KMT2C: variants seen among roughly 807,000 people sequenced by gnomAD.
KMT2C encodes the protein histone-lysine N-methyltransferase 2C.
In KMT2C, 88 loss-of-function variants were observed where a neutral mutation model predicts 507.9. The ratio of observed to expected loss-of-function variants is 0.17; its 90% CI spans 0.15 to 0.21. The LOEUF is 0.21. Ranked by LOEUF, KMT2C falls within the 10% of genes least tolerant of loss-of-function variation. KMT2C has a pLI of 1.00. For missense variants in KMT2C, 4,954 were observed against 5,957.8 expected (o/e 0.83, Z 5.55); for synonymous variants, 2,049 against 2,080.8 (o/e 0.98, Z 0.42).
At chr7:152,345,249 T>A (rs1380100175) in intron 2 of KMT2C, among the ~76,000 whole-genome samples, 1 of 148,602 alleles carries the variant, frequency 6.7e-6, no homozygotes, top group African/African-American at 2.5e-5. Context: ...AAAAAAACTA[T>A]TTTTTTTTTA....
chr7:152,345,106 T>C (rs1164619501), intron 2 of KMT2C, among the ~76,000 whole-genome samples: 1 of 151,972 alleles, frequency 6.6e-6, no homozygotes, highest in Non-Finnish European at 1.5e-5. Flanking sequence ...ATATGGTAGA[T>C]ATCCATTCCA....
chr7:152,296,997 A>AAAAGAAGGAAAGAAAG (rs2096506098), intron 6 of KMT2C, among the ~76,000 whole-genome samples: 1 of 58,948 alleles, frequency 1.7e-5, no homozygotes, highest in Non-Finnish European at 3.7e-5. Flanking sequence ...GAAAGAAAGA[A>AAAAGAAGGAAAGAAAG]AAAGAAAGAA....
chr7:152,413,913 A>G (rs551037017), intron 1 of KMT2C, among the ~76,000 whole-genome samples: 3 of 149,446 alleles, frequency 2.0e-5, no homozygotes, highest in South Asian at 2.1e-4. Context: ...TACAAAAGTC[A>G]TTTAGAAAAT....
chr7:152,185,372 T>C (rs1366437788), intron 34 of KMT2C, among the ~76,000 whole-genome samples, 186 bp downstream of exon 34: 1 of 152,356 alleles, frequency 6.6e-6, no homozygotes, highest in Middle Eastern at 3.4e-3. Flanking sequence ...AACTTGCTTA[T>C]AAAAATGTCA....
chr7:152,174,230 A>C lies in KMT2C; in HGVS notation c.9275T>G (p.Ile3092Ser). 1 of 1,553,714 alleles carries C rather than the reference A, an allele frequency of 6.4e-7. No homozygotes were observed. The highest frequency in any genetic ancestry group is 8.8e-7 in the Non-Finnish European group (1 of 1,130,940). ...PFFPNIDFDA[I>S]TDPIMKAKMV... ...TTTGGCTTTCATTATAGGATCTGTAATTGCATCAAAATCTAGAAAAGAAAT... is the reference window on the plus strand; with the variant it reads ...TTTGGCTTTCATTATAGGATCTGTACTTGCATCAAAATCTAGAAAAGAAAT... Residue 3092 changes from isoleucine to serine, a missense_variant, in exon 39 of 59, where the codon ATT becomes AGT. Coordinates refer to ENST00000262189, the MANE Select transcript of KMT2C (RefSeq NM_170606.3).
intron 6 of KMT2C, among the ~76,000 whole-genome samples, chr7:152,303,424 A>G (rs2096588874): frequency 6.6e-6 from 1 of 152,092 alleles, no homozygotes; most frequent in African/African-American, 2.4e-5. Flanking sequence ...AGTAGGACCT[A>G]CCTCCTCATT....
intron 9 of KMT2C, among the ~76,000 whole-genome samples, chr7:152,257,136 C>A (rs2095673745): frequency 6.6e-6 from 1 of 152,050 alleles, no homozygotes; most frequent in Non-Finnish European, 1.5e-5. Flanking sequence ...GTTGAGTAAC[C>A]CATAGCACAG....
intron 6 of KMT2C, among the ~76,000 whole-genome samples, chr7:152,275,248 G>C (rs1563683885): frequency 6.6e-6 from 1 of 152,100 alleles, no homozygotes; most frequent in African/African-American, 2.4e-5. Context: ...AGAAAAGAAA[G>C]AGATACAAAA....
intron 6 of KMT2C, among the ~76,000 whole-genome samples, chr7:152,297,055 C>CAGACAGACAGACAGAGAGAGAGAGAGAG (rs1315629061): frequency 1.2e-5 from 1 of 84,406 alleles, no homozygotes; most frequent in Non-Finnish European, 2.3e-5. Context: ...GAAAGAAAGA[C>CAGACAGACAGACAGAGAGAGAGAGAGAG]AGAGAGAGAG....
intron 9 of KMT2C, 90 bp downstream of exon 9, chr7:152,262,926 G>A: frequency 1.2e-6 from 1 of 850,534 alleles, no homozygotes; most frequent in Non-Finnish European, 1.8e-6. Context: ...TGATGGTGAT[G>A]ATGTACAGAT....
intron 44 of KMT2C, chr7:152,157,862 A>T: frequency 7.5e-7 from 1 of 1,339,620 alleles, no homozygotes; most frequent in Non-Finnish European, 9.9e-7. Flanking sequence ...CCACTGCCAT[A>T]AGGAAGAAAG....
chr7:152,340,802 T>G (rs976175541), intron 2 of KMT2C, among the ~76,000 whole-genome samples: 20 of 152,212 alleles, frequency 1.3e-4, no homozygotes, highest in Non-Finnish European at 1.3e-4. Context: ...TTAATGCAAA[T>G]TCAAAAAGCT....
At chr7:152,145,038 G>C (rs1429907928) in intron 54 of KMT2C, 115 bp downstream of exon 54, 1 of 1,396,186 alleles carries the variant, frequency 7.2e-7, no homozygotes, top group East Asian at 2.3e-5. Flanking sequence ...TTATGTAGTT[G>C]GGCACATACA....
intron 28 of KMT2C, 108 bp from the exon 29 acceptor site, chr7:152,194,676 GAAAT>G: frequency 2.7e-6 from 2 of 739,944 alleles, no homozygotes; most frequent in Non-Finnish European, 2.1e-6. Flanking sequence ...TTAAAATAGA[GAAAT>G]AAAGTCTGTA....
In KMT2C at chr7:152,179,870, T is replaced by C. The variant is rs2129117947; in HGVS notation, c.7406A>G (p.Asp2469Gly). The C allele has an allele frequency of 6.2e-7, 1 of 1,613,998 alleles. No homozygotes were observed. The highest frequency in any genetic ancestry group is 1.1e-5 in the South Asian group (1 of 91,068). The stretch of plus-strand genomic sequence containing the variant: ...AGGTCTCATCCCCATACTAGCAACA[T>C]CAGGAGGATAGGGTCCACGCTGATC... ...PKDQRGPYPPDVASMGMRPHG... is the reference protein window; with the variant it reads ...PKDQRGPYPPGVASMGMRPHG... Residue 2469 changes from aspartate (D) to glycine (G), a missense_variant, in exon 37 of 59, where the codon GAT (aspartate) becomes GGT (glycine). Physicochemically the swap from Asp to Gly is moderately conservative, Grantham distance 94. Transcript: ENST00000262189.
chr7:152,176,208 G>A lies in KMT2C; in HGVS notation c.9245C>T (p.Pro3082Leu), dbSNP rs61730545. 2.0e-3 allele frequency: 3,166 copies of A among 1,605,798 alleles called. 71 individuals carry two copies. In the South Asian group the frequency reaches 0.026, roughly 13 times the overall value. The change falls in exon 38 of 59, where the codon CCG becomes CTG. Residue 3082 changes from proline (P) to leucine (L), a missense_variant. Pro to Leu is a moderately conservative substitution (Grantham distance 98). This residue lies in a region of KMT2C where 1,689 missense variants were observed against 1,654.3 expected (regional missense o/e 1.02). Coordinates refer to ENST00000262189, the MANE Select transcript of KMT2C (RefSeq NM_170606.3). ...MQAMIRQRSE[P>L]FFPNIDFDAI... ...ACTCCTACCAATATTAGGGAAGAACGGTTCTGATCGCTGACGAATCATGGC... is the reference window on the plus strand; with the variant it reads ...ACTCCTACCAATATTAGGGAAGAACAGTTCTGATCGCTGACGAATCATGGC...
chr7:152,216,343 TA>T (rs2094582414), intron 23 of KMT2C, among the ~76,000 whole-genome samples: 1 of 152,192 alleles, frequency 6.6e-6, no homozygotes, highest in Non-Finnish European at 1.5e-5. Context: ...TGACTTTTCT[TA>T]AGGAAGCGGT....
At chr7:152,171,085 T>C (rs1016493384) in intron 40 of KMT2C, among the ~76,000 whole-genome samples, 179 bp downstream of exon 40, 1 of 152,238 alleles carries the variant, frequency 6.6e-6, no homozygotes. Context: ...GGCTACTATT[T>C]AGGTTGGTGA....
In KMT2C at chr7:152,391,878, C is replaced by A. The variant is rs183179885; in HGVS notation, c.162-33203G>T. On this transcript the variant is annotated intron_variant, in intron 1 of 58. Coordinates refer to ENST00000262189, the MANE Select transcript of KMT2C (RefSeq NM_170606.3). ...AAGAGCTGGAGTATAAACGAAAACACAAAGAGCTTTGAGTCTCAGATCTGG... is the reference window on the plus strand; with the variant it reads ...AAGAGCTGGAGTATAAACGAAAACAAAAAGAGCTTTGAGTCTCAGATCTGG... Among the ~76,000 whole-genome samples, 34 of 152,170 alleles carry A rather than the reference C, an allele frequency of 2.2e-4. 2 individuals are homozygous for A. Among genetic ancestry groups the A allele is most frequent in the African/African-American group, 7.7e-4 (32 of 41,524 alleles).
Sources: gnomAD v4.1 joint callset for allele counts (sites outside exome capture counted in the v4.1 genomes callset) on GRCh38, gnomAD v4.1.1 for gene constraint, gnomAD v4.1.1 regional missense constraint, MANE v1.5 for transcripts, NCBI Gene and HGNC (gene_info 2026-07-23, HGNC 2026-07-21) for gene names.